WDR41: variants seen among roughly 807,000 people sequenced by gnomAD.
The protein encoded by WDR41 is WD repeat domain 41.
Under a neutral mutation model 69.3 loss-of-function variants are expected in WDR41, and 63 were observed. That is an observed-to-expected ratio of 0.91 (90% CI 0.74 to 1.12). WDR41 has a LOEUF of 1.12. Ranked by LOEUF, WDR41 falls within the 50% of genes most tolerant of loss-of-function variation. The pLI is 0.00. For missense variants in WDR41, 543 were observed against 534.5 expected (o/e 1.02, Z -0.16); for synonymous variants, 185 against 192.1 (o/e 0.96, Z 0.31).
intron 1 of WDR41, among the ~76,000 whole-genome samples, chr5:77,529,926 C>A (rs1027504497): frequency 2.0e-5 from 3 of 151,650 alleles, no homozygotes; most frequent in African/African-American, 7.2e-5. Context: ...TTTTAGTTGG[C>A]AGCATGGGAT....
At chr5:77,469,363 C>T (rs937160971) in intron 2 of WDR41, among the ~76,000 whole-genome samples, 1 of 152,154 alleles carries the variant, frequency 6.6e-6, no homozygotes, top group African/African-American at 2.4e-5. Flanking sequence ...GCATGTTGTG[C>T]ACATGTACCC....
chr5:77,611,893 A>G (rs182439551), intron 1 of WDR41, among the ~76,000 whole-genome samples: 1 of 152,316 alleles, frequency 6.6e-6, no homozygotes, highest in African/African-American at 2.4e-5. Context: ...ATAGACTGCT[A>G]GCAAGACTAA....
At chr5:77,443,985 C>T (rs929451524) in intron 8 of WDR41, among the ~76,000 whole-genome samples, 2 of 148,058 alleles carry the variant, frequency 1.4e-5, no homozygotes, top group African/African-American at 5.0e-5. Flanking sequence ...CAAGTTCAAG[C>T]AATTCCTGTC....
At chr5:77,483,281 G>A (rs573160372) in intron 2 of WDR41, among the ~76,000 whole-genome samples, 1 of 152,122 alleles carries the variant, frequency 6.6e-6, no homozygotes, top group South Asian at 2.1e-4. Context: ...TGGACCACAG[G>A]TGTGCACCAC....
intron 1 of WDR41, among the ~76,000 whole-genome samples, chr5:77,595,903 T>C (rs1283435857): frequency 6.6e-6 from 1 of 152,188 alleles, no homozygotes; most frequent in East Asian, 1.9e-4. Flanking sequence ...GAATGTTTAT[T>C]TTTTTCTTTA....
chr5:77,529,759 A>T (rs922322889), intron 1 of WDR41, among the ~76,000 whole-genome samples: 1 of 151,732 alleles, frequency 6.6e-6, no homozygotes, highest in Middle Eastern at 3.4e-3. Flanking sequence ...AGCTCATAGA[A>T]TGGTGGGGAA....
intron 1 of WDR41, chr5:77,540,435 C>A (rs1180251932): frequency 2.0e-5 from 3 of 152,192 alleles, no homozygotes; most frequent in African/African-American, 7.2e-5. Context: ...AAACATACTG[C>A]TAAGAGCTAA....
chr5:77,475,739 C>T (rs1310592105), intron 2 of WDR41, among the ~76,000 whole-genome samples: 1 of 152,238 alleles, frequency 6.6e-6, no homozygotes, highest in African/African-American at 2.4e-5. Flanking sequence ...AGCAGAAAAA[C>T]TGGAAACTCT....
intron 12 of WDR41, among the ~76,000 whole-genome samples, chr5:77,433,595 T>C (rs568579856): frequency 4.5e-4 from 69 of 152,360 alleles, no homozygotes; most frequent in Non-Finnish European, 9.1e-4. Flanking sequence ...CCATTACTTA[T>C]ACTGTATAAT....
upstream of WDR41, among the ~76,000 whole-genome samples, chr5:77,497,313 C>A (rs908389682): frequency 1.3e-5 from 2 of 152,024 alleles, no homozygotes; most frequent in Admixed American, 6.6e-5. Flanking sequence ...TGAAAACCTA[C>A]AGAATGGAAG....
rs142437299 is a variant in WDR41, at chr5:77,603,599, ATGTTTTAGTTGTCTG to A, written c.42+16865_42+16879del. Among the ~76,000 whole-genome samples the A allele has an allele frequency of 4.1e-3, 619 of 152,194 alleles. 2 individuals carry two copies. Among genetic ancestry groups the A allele is most frequent in the Middle Eastern group, 0.014 (4 of 294 alleles). On this transcript the variant is annotated intron_variant, in intron 1 of 5. Coordinates refer to the WDR41 transcript ENST00000509971. Reference sequence around the variant, plus strand: ...TAGTTTAATATAGTTCTATTTGTCTATGTTTTAGTTGTCTGTGCTTTTGAAGTCTTAGCTATAAAA... The same window carrying A: ...TAGTTTAATATAGTTCTATTTGTCTATGCTTTTGAAGTCTTAGCTATAAAA...
At chr5:77,516,741 G>A (rs1410433320) in intron 1 of WDR41, among the ~76,000 whole-genome samples, 1 of 152,156 alleles carries the variant, frequency 6.6e-6, no homozygotes, top group African/African-American at 2.4e-5. Flanking sequence ...TTTTCCAGCT[G>A]GGTGCAGTGG....
At chr5:77,562,375 A>C (rs1743544222) in intron 1 of WDR41, among the ~76,000 whole-genome samples, 1 of 152,166 alleles carries the variant, frequency 6.6e-6, no homozygotes, top group Admixed American at 6.5e-5. Flanking sequence ...CGAAAATAAG[A>C]AGCATTTGCA....
At chr5:77,512,745 C>CAAA (rs71606301) in intron 1 of WDR41, among the ~76,000 whole-genome samples, 21 of 74,064 alleles carry the variant, frequency 2.8e-4, no homozygotes, top group African/African-American at 7.2e-4. Context: ...GACTCCATCT[C>CAAA]AAAAAAAAAA....
In WDR41 at chr5:77,433,300, T is replaced by A. The variant is rs368053610; in HGVS notation, c.1228-13A>T. 1 of 1,607,116 alleles carries A rather than the reference T, an allele frequency of 6.2e-7. No individual in the cohort carries two copies. Among genetic ancestry groups the A allele is most frequent in the Non-Finnish European group, 8.5e-7 (1 of 1,177,698 alleles). On this transcript the variant is annotated splice_polypyrimidine_tract_variant and intron_variant, in intron 12 of 12. Transcript: ENST00000296679. ...AGTATAGAAACATCTGTAAAGAAAA[T>A]TAAAACTGATTATAGGGACCCCGAA... is the stretch of plus-strand genomic sequence containing the variant.
In WDR41 at chr5:77,514,302, A is replaced by G. The variant is rs1004760478; in HGVS notation, c.43-24730T>C. On this transcript the variant is annotated intron_variant, in intron 1 of 5. Coordinates refer to the WDR41 transcript ENST00000509971. The stretch of plus-strand genomic sequence containing the variant: ...CAATAGCCTAGACATTTTCCATGTT[A>G]ATGTACAGCGTTCATATCTATTTTT... 7.9e-5 allele frequency among the ~76,000 whole-genome samples: 12 copies of G among 152,244 alleles called. 1 individual carries two copies. In the South Asian group the frequency reaches 2.3e-3, roughly 29 times the overall value.
In WDR41 at chr5:77,431,470, T is replaced by TG; in HGVS notation, c.*1664dup. ...GCACTGGGAAACCAAAAACTAGATG[T>TG]GACTCACTCTATTTGCAATAGTTGC... On this transcript the variant is annotated 3_prime_UTR_variant, in exon 13 of 13. Coordinates refer to ENST00000296679, the MANE Select transcript of WDR41 (RefSeq NM_018268.4). 6.6e-6 allele frequency: 1 copy of TG among 152,342 alleles called. No homozygotes were observed. Among genetic ancestry groups the TG allele is most frequent in the Non-Finnish European group, 1.5e-5 (1 of 68,028 alleles). 9.4% of individuals were successfully genotyped at this position (152,342 alleles called of 1,614,324 possible).
chr5:77,559,595 A>T (rs1052632836), intron 1 of WDR41, among the ~76,000 whole-genome samples: 2 of 151,502 alleles, frequency 1.3e-5, no homozygotes, highest in Admixed American at 1.3e-4. Flanking sequence ...TGATGTATAC[A>T]TAACATATCT....
At chr5:77,552,709 G>A (rs771914299) in intron 1 of WDR41, among the ~76,000 whole-genome samples, 4 of 152,078 alleles carry the variant, frequency 2.6e-5, no homozygotes, top group Non-Finnish European at 4.4e-5. Flanking sequence ...ATGAATCAAC[G>A]GAGCAGCACA....
Sources: gnomAD v4.1 joint callset for allele counts (sites outside exome capture counted in the v4.1 genomes callset) on GRCh38, gnomAD v4.1.1 for gene constraint, MANE v1.5 for transcripts, NCBI Gene and HGNC (gene_info 2026-07-23, HGNC 2026-07-21) for gene names.